PLCB3: variants seen among roughly 807,000 people sequenced by gnomAD.
PLCB3 encodes the protein phospholipase C beta 3.
In PLCB3, 54 loss-of-function variants were observed where a neutral mutation model predicts 152.1. The observed-to-expected ratio is 0.36, with a 90% confidence interval of 0.29 to 0.45. PLCB3 has a LOEUF of 0.45. PLCB3 is among the 20% of genes least tolerant of loss of function. The pLI is 1.00. For missense variants in PLCB3, 1,248 were observed against 1,687.5 expected (o/e 0.74, Z 4.56); for synonymous variants, 717 against 698.7 (o/e 1.03, Z -0.41).
chr11:64,267,493 CG>C lies in PLCB3; in HGVS notation c.3645del (p.Ser1216AlafsTer50). The stretch of plus-strand genomic sequence containing the variant: ...CCTGTGCCAGCAACGGTCACGCACC[CG>C]GGAGCAGCGGGCACCTGTCGGGCGC... ...VACASNGHAPGSSGHLSGADS... is the reference protein window; with the variant it reads ...VACASNGHAPXSSGHLSGADS... On this transcript the variant is annotated frameshift_variant, in exon 31 of 31. Coordinates refer to ENST00000279230, the MANE Select transcript of PLCB3 (RefSeq NM_000932.5). LOFTEE classifies it high-confidence loss of function. This position sits in a 1 kb window ranked among gnomAD's most constrained non-coding sequence, Gnocchi z 5.2. 6.4e-7 allele frequency: 1 copy of C among 1,568,846 alleles called. No homozygotes were observed.
chr11:64,261,712 C>T lies in PLCB3; in HGVS notation c.1913+47C>T, dbSNP rs200656195. 4.5e-5 allele frequency: 70 copies of T among 1,543,682 alleles called. No homozygotes were observed. The Admixed American group carries it at 5.2e-4, about 11-fold the overall frequency. On this transcript the variant is annotated intron_variant, in intron 16 of 30. Transcript: ENST00000279230. ...GGCGGGCAGGCCAGGGTGGGGCGCT[C>T]GGAGGCCGGCTCCGGTGTTCTGTCC...
Position 64,258,936 on chromosome 11 carries a change from C to G in PLCB3, c.1305C>G (p.Asp435Glu). The G allele has an allele frequency of 6.2e-7, 1 of 1,613,934 alleles. No individual in the cohort carries two copies. The highest frequency in any genetic ancestry group is 8.5e-7 in the Non-Finnish European group (1 of 1,179,990). ...MAEYCRSIFGDALLIEPLDKY... is the reference protein window; with the variant it reads ...MAEYCRSIFGEALLIEPLDKY... ...AGTACTGCCGCTCCATCTTTGGAGACGCGCTACTCATCGAGCCTCTGGACA... is the reference window on the plus strand; with the variant it reads ...AGTACTGCCGCTCCATCTTTGGAGAGGCGCTACTCATCGAGCCTCTGGACA... The change falls in exon 12 of 31, where the codon GAC becomes GAG. Residue 435 changes from aspartate to glutamate, a missense_variant. Transcript: ENST00000279230. This position sits in a 1 kb window ranked among gnomAD's most constrained non-coding sequence, Gnocchi z 7.2.
chr11:64,258,243 T>G lies in PLCB3; in HGVS notation c.1013-230T>G. ...GGTGTGAGCTGTGCCAGGGCTGAGG[T>G]GGGTGGAGGGAGTGAGGAGAGGGAG... On this transcript the variant is annotated intron_variant, in intron 10 of 30. Transcript: ENST00000279230. The surrounding 1 kb of genome is among the most constrained non-coding windows in gnomAD (Gnocchi z 7.2). 6.9e-6 allele frequency among the ~76,000 whole-genome samples: 1 copy of G among 144,716 alleles called. No individual in the cohort carries two copies. Among genetic ancestry groups the G allele is most frequent in the Non-Finnish European group, 1.5e-5 (1 of 65,974 alleles). The allele number at this position is 144,716 out of a possible 152,430, so 94.9% of individuals were successfully genotyped here. A position where few individuals can be genotyped will look rare whatever the true frequency, so the allele number is the denominator to read the frequency against.
chr11:64,255,961 A>G lies in PLCB3; in HGVS notation c.698+140A>G. 1 of 667,868 alleles carries G rather than the reference A, an allele frequency of 1.5e-6. No individual in the cohort carries two copies. The allele number at this position is 667,868 out of a possible 1,614,324, so 41.4% of individuals were successfully genotyped here. On this transcript the variant is annotated intron_variant, in intron 8 of 30. Coordinates refer to ENST00000279230, the MANE Select transcript of PLCB3 (RefSeq NM_000932.5). The surrounding 1 kb of genome is among the most constrained non-coding windows in gnomAD (Gnocchi z 6.8). The stretch of plus-strand genomic sequence containing the variant: ...GGGGGCGGAGGGGTGCCCAGGGAGA[A>G]CCTGTCGGTGATGTTCCTGTACTCA...
At chr11:64,262,984 T>C (rs1027707009) in intron 19 of PLCB3, among the ~76,000 whole-genome samples, 176 bp downstream of exon 19, 46 of 152,010 alleles carry the variant, frequency 3.0e-4, no homozygotes, top group African/African-American at 1.1e-3. Context: ...CTGCCCTCCT[T>C]AGGGTAAGAG....
chr11:64,259,964 C>G, intron 13 of PLCB3, 65 bp from the exon 14 acceptor site: 3 of 1,383,284 alleles, frequency 2.2e-6, no homozygotes, highest in Non-Finnish European at 3.0e-6. Flanking sequence ...TGGGAAAAAC[C>G]CCTCCAGACT....
chr11:64,264,181 C>A, intron 22 of PLCB3, 69 bp downstream of exon 22: 1 of 1,059,432 alleles, frequency 9.4e-7, no homozygotes, highest in African/African-American at 1.6e-5. Flanking sequence ...ACTGCTGTGG[C>A]CACATGAGGA....
chr11:64,265,753 T>A, intron 25 of PLCB3, 133 bp from the exon 26 acceptor site: 1 of 1,300,250 alleles, frequency 7.7e-7, no homozygotes, highest in South Asian at 1.5e-5. Flanking sequence ...ACAGGCCTCC[T>A]GGTTTGCATA....
chr11:64,266,478 G>A lies in PLCB3; in HGVS notation c.3357-17G>A, dbSNP rs1223031861. The A allele has an allele frequency of 5.0e-6, 8 of 1,613,398 alleles. No homozygotes were observed. Among genetic ancestry groups the A allele is most frequent in the East Asian group, 2.2e-5 (1 of 44,874 alleles). ...AGGTGTCTGGGCCCCGAGCCATCCT[G>A]CGTTGCTCCCGTGCAGGGAACTGAC... On this transcript the variant is annotated splice_polypyrimidine_tract_variant and intron_variant, in intron 28 of 30. Coordinates refer to ENST00000279230, the MANE Select transcript of PLCB3 (RefSeq NM_000932.5). This position sits in a 1 kb window ranked among gnomAD's most constrained non-coding sequence, Gnocchi z 4.9.
rs2031200073 is a variant in PLCB3 at position 64,251,572 on chromosome 11, G to A, written c.-78G>A. 5 of 559,144 alleles carry A rather than the reference G, an allele frequency of 8.9e-6. No homozygotes were observed. The highest frequency in any genetic ancestry group is 9.3e-5 in the East Asian group (2 of 21,452). 34.6% of individuals were successfully genotyped at this position (559,144 alleles called of 1,614,324 possible). On this transcript the variant is annotated 5_prime_UTR_variant, in exon 1 of 31. Coordinates refer to ENST00000279230, the MANE Select transcript of PLCB3 (RefSeq NM_000932.5). ...GGCACTGACGCCGCGGGGCCGGAGCGGGCCGCGCGGTGGGAGCAGCGGCGC... is the reference window on the plus strand; with the variant it reads ...GGCACTGACGCCGCGGGGCCGGAGCAGGCCGCGCGGTGGGAGCAGCGGCGC...
rs1322210063 is a variant in PLCB3, at chr11:64,265,302, G to A, written c.2843-8G>A. On this transcript the variant is annotated splice_polypyrimidine_tract_variant and splice_region_variant and intron_variant, in intron 24 of 30. Transcript: ENST00000279230. Reference sequence around the variant, plus strand: ...ACCCCCCGCCCACCTTTGCTCTGCCGCTCCCAGAGGTGGCCCCCACCCCGC... The same window carrying A: ...ACCCCCCGCCCACCTTTGCTCTGCCACTCCCAGAGGTGGCCCCCACCCCGC... 18 of 1,564,158 alleles carry A rather than the reference G, an allele frequency of 1.2e-5. 1 individual carries two copies. Among genetic ancestry groups the A allele is most frequent in the East Asian group, 4.7e-5 (2 of 42,768 alleles).
intron 16 of PLCB3, 44 bp downstream of exon 16, chr11:64,261,709 G>A (rs368761541): frequency 4.3e-5 from 67 of 1,554,718 alleles, no homozygotes; most frequent in Non-Finnish European, 5.8e-5. Context: ...AGGGTGGGGC[G>A]CTCGGAGGCC....
Position 64,256,535 on chromosome 11 carries a change from G to A in PLCB3, c.858G>A (p.Leu286=), listed in dbSNP as rs753367091. 1.2e-6 allele frequency: 2 copies of A among 1,613,856 alleles called. No individual in the cohort carries two copies. Among genetic ancestry groups the A allele is most frequent in the Non-Finnish European group, 1.7e-6 (2 of 1,179,922 alleles). The change falls in exon 9 of 31, where the codon CTG becomes CTA. Residue 286 remains leucine (L), a synonymous_variant. Transcript: ENST00000279230. The part of the protein sequence containing the change: ...IEKYEPNQQF[L]ERDQMSMEGF... ...AGTATGAGCCCAACCAGCAGTTTCT[G>A]GAGCGAGGTGAGCTGGCTGGGGTGC...
rs762198591 is a variant in PLCB3 at position 64,267,820 on chromosome 11, C to G, written c.*264C>G. ...AGCTAGCAGCGTCTCCTCCCTTCCC[C>G]GGGAGAGCTGGCTGGAGACTTGGAG... On this transcript the variant is annotated 3_prime_UTR_variant, in exon 31 of 31. Coordinates refer to ENST00000279230, the MANE Select transcript of PLCB3 (RefSeq NM_000932.5). This position sits in a 1 kb window ranked among gnomAD's most constrained non-coding sequence, Gnocchi z 5.2. 4.6e-6 allele frequency: 2 copies of G among 432,340 alleles called. No individual in the cohort carries two copies. Among genetic ancestry groups the G allele is most frequent in the Non-Finnish European group, 8.2e-6 (2 of 243,770 alleles). 26.8% of individuals were successfully genotyped at this position (432,340 alleles called of 1,614,324 possible). A position where few individuals can be genotyped will look rare whatever the true frequency, so the allele number is the denominator to read the frequency against.
At position 64,262,518 on chromosome 11, in the gene PLCB3, A is replaced by G. The variant is rs746671277; in HGVS notation, c.2150A>G (p.Glu717Gly). Residue 717 changes from glutamate (E) to glycine (G), a missense_variant, in exon 18 of 31, where the codon GAG becomes GGG. By Grantham distance (98) the Glu-to-Gly change is moderately conservative. Transcript: ENST00000279230. ...GACAAGTCCTTCGACCCCTTCACTG[A>G]GGTCATCGTGGATGGCATCGTGGCC... is the stretch of plus-strand genomic sequence containing the variant. The part of the protein sequence containing the change: ...RPDKSFDPFT[E>G]VIVDGIVANA... 1 of 1,613,880 alleles carries G rather than the reference A, an allele frequency of 6.2e-7. No homozygotes were observed. The highest frequency in any genetic ancestry group is 8.5e-7 in the Non-Finnish European group (1 of 1,179,986).
chr11:64,264,016 C>T lies in PLCB3; in HGVS notation c.2561-5C>T, dbSNP rs1284262282. The T allele has an allele frequency of 1.3e-6, 2 of 1,571,518 alleles. No individual in the cohort carries two copies. The highest frequency in any genetic ancestry group is 1.7e-6 in the Non-Finnish European group (2 of 1,159,274). ...CTGAGACCTTGGCCTTCTGCCTCCC[C>T]CCAGACTATGCGGAGGCCCTGATCA... On this transcript the variant is annotated splice_polypyrimidine_tract_variant and splice_region_variant and intron_variant, in intron 21 of 30. Transcript: ENST00000279230.
Position 64,254,762 on chromosome 11 carries a change from G to A in PLCB3, c.192G>A (p.Leu64=), listed in dbSNP as rs190033300. Residue 64 remains leucine, a synonymous_variant, in exon 3 of 31, where the codon CTG becomes CTA. Coordinates refer to ENST00000279230, the MANE Select transcript of PLCB3 (RefSeq NM_000932.5). ...WTGPNMEVDT[L]DISSIRDTRT... ...GTTCCCCCCAGGAGGTGGACACACT[G>A]GACATCAGTTCCATCAGGGACACAC... The A allele has an allele frequency of 4.3e-6, 7 of 1,613,218 alleles. No homozygotes were observed. The East Asian group carries it at 1.6e-4, about 36-fold the overall frequency.
At chr11:64,254,578 G>A in intron 2 of PLCB3, 86 bp downstream of exon 2, 3 of 1,429,310 alleles carry the variant, frequency 2.1e-6, no homozygotes, top group Non-Finnish European at 2.0e-6. Context: ...GGGCCCGGCT[G>A]CAGGCTGACC....
rs761182365 is a variant in PLCB3 at position 64,266,080 on chromosome 11, ACCCGTCGTCAG to A, written c.3190-41_3190-31del. 6.2e-7 allele frequency: 1 copy of A among 1,613,662 alleles called. No homozygotes were observed. The highest frequency in any genetic ancestry group is 8.5e-7 in the Non-Finnish European group (1 of 1,179,844). ...TGGCCAGGGAAAGCCTGCTGGATAG[ACCCGTCGTCAG>A]CCCGGCATCACCTGTCAGCTCCCTG... is the stretch of plus-strand genomic sequence containing the variant. On this transcript the variant is annotated intron_variant, in intron 26 of 30. Transcript: ENST00000279230. This position sits in a 1 kb window ranked among gnomAD's most constrained non-coding sequence, Gnocchi z 4.9.
Sources: allele counts gnomAD v4.1 joint callset (sites outside exome capture counted in the v4.1 genomes callset), GRCh38; gene constraint gnomAD v4.1.1; non-coding constraint Gnocchi (gnomAD v3.1); transcripts MANE v1.5; gene names NCBI Gene and HGNC (gene_info 2026-07-23, HGNC 2026-07-21).